UNC13C: variants seen among roughly 807,000 people sequenced by gnomAD.
UNC13C encodes the protein protein unc-13 homolog C.
In UNC13C, 174 loss-of-function variants were observed where a neutral mutation model predicts 245.4. The ratio of observed to expected loss-of-function variants is 0.71; its 90% confidence interval spans 0.63 to 0.80. UNC13C has a LOEUF of 0.80. Among genes scored for constraint, UNC13C ranks in the 30% least tolerant of loss-of-function variants. UNC13C has a pLI of 0.00. For synonymous variants in UNC13C, 992 were observed against 895.1 expected (o/e 1.11, Z -1.93); for missense variants, 2,829 against 2,602.9 (o/e 1.09, Z -1.89).
intron 19 of UNC13C, among the ~76,000 whole-genome samples, chr15:54,426,090 C>G (rs995444822): frequency 1.3e-5 from 2 of 151,720 alleles, no homozygotes; most frequent in African/African-American, 4.8e-5. Flanking sequence ...TTGAGCAGAA[C>G]TAGAAATCCA....
intron 30 of UNC13C, among the ~76,000 whole-genome samples, chr15:54,609,049 G>A (rs1043408697): frequency 6.6e-6 from 1 of 152,172 alleles, no homozygotes; most frequent in African/African-American, 2.4e-5. Flanking sequence ...GGTATTAAAT[G>A]AGTTCTCAGC....
chr15:54,621,853 A>G (rs541338368), intron 30 of UNC13C, among the ~76,000 whole-genome samples: 18 of 152,248 alleles, frequency 1.2e-4, no homozygotes, highest in Non-Finnish European at 2.4e-4. Context: ...TTATAAATAA[A>G]TTGTTGTAAT....
the UNC13C span, among the ~76,000 whole-genome samples, chr15:53,922,620 C>A: frequency 1.3e-5 from 2 of 152,114 alleles, no homozygotes; most frequent in African/African-American, 4.8e-5. Context: ...AATAACAACC[C>A]TCTTGTGTTT....
At chr15:54,362,702 T>C (rs1310517449) in intron 17 of UNC13C, among the ~76,000 whole-genome samples, 1 of 152,154 alleles carries the variant, frequency 6.6e-6, no homozygotes, top group African/African-American at 2.4e-5. Context: ...ACATTCTGCA[T>C]TTAAACAAGT....
chr15:54,612,972 G>C (rs1223435110), intron 30 of UNC13C, among the ~76,000 whole-genome samples: 4 of 151,714 alleles, frequency 2.6e-5, no homozygotes, highest in Non-Finnish European at 4.4e-5. Flanking sequence ...TCCTAATTTT[G>C]TGCTTGCCAT....
intron 19 of UNC13C, among the ~76,000 whole-genome samples, chr15:54,487,309 AAAGT>A (rs1488992519): frequency 1.3e-5 from 2 of 152,202 alleles, no homozygotes; most frequent in African/African-American, 4.8e-5. Context: ...CAGTGGTCAT[AAAGT>A]AAGGCACTAT....
chr15:54,521,170 T>C (rs192906171), intron 24 of UNC13C, among the ~76,000 whole-genome samples: 1 of 152,346 alleles, frequency 6.6e-6, no homozygotes, highest in Admixed American at 6.5e-5. Flanking sequence ...TATTTATTAA[T>C]GTTTTAATGC....
At chr15:53,941,408 GA>G in the UNC13C span, among the ~76,000 whole-genome samples, 1 of 152,092 alleles carries the variant, frequency 6.6e-6, no homozygotes, top group Non-Finnish European at 1.5e-5. Context: ...TGACAAAAAT[GA>G]CAAAAGCAAT....
chr15:54,566,655 C>T (rs1469683081), intron 29 of UNC13C, among the ~76,000 whole-genome samples: 5 of 151,996 alleles, frequency 3.3e-5, no homozygotes, highest in Admixed American at 3.3e-4. Flanking sequence ...TGAATCTCCT[C>T]TACAGTATAC....
intron 19 of UNC13C, among the ~76,000 whole-genome samples, chr15:54,453,932 C>T (rs1018788169): frequency 1.3e-5 from 2 of 151,848 alleles, no homozygotes; most frequent in Non-Finnish European, 1.5e-5. Context: ...TGTCAGTTTC[C>T]CCCTCCCTCA....
intron 29 of UNC13C, among the ~76,000 whole-genome samples, chr15:54,567,073 A>C (rs1274989603): frequency 6.6e-6 from 1 of 152,090 alleles, no homozygotes; most frequent in African/African-American, 2.4e-5. Context: ...TTTCCAAGAG[A>C]TGTCTGTCTG....
At chr15:53,937,358 A>G in the UNC13C span, among the ~76,000 whole-genome samples, 2 of 152,220 alleles carry the variant, frequency 1.3e-5, no homozygotes, top group Admixed American at 6.5e-5. Flanking sequence ...AGGAACAAAC[A>G]AAACCTCCAA....
intron 10 of UNC13C, among the ~76,000 whole-genome samples, chr15:54,275,656 A>G (rs2036812563): frequency 6.6e-6 from 1 of 152,044 alleles, no homozygotes; most frequent in Non-Finnish European, 1.5e-5. Context: ...TCTCCTCTAT[A>G]CCTTTATCCT....
the UNC13C span, among the ~76,000 whole-genome samples, chr15:53,935,533 A>G: frequency 6.6e-6 from 1 of 152,214 alleles, no homozygotes; most frequent in East Asian, 1.9e-4. Flanking sequence ...TTTGGCCAAG[A>G]TGGCCTATTT....
intron 2 of UNC13C, among the ~76,000 whole-genome samples, chr15:54,070,097 C>T (rs1313611756): frequency 6.6e-6 from 1 of 152,180 alleles, no homozygotes; most frequent in Non-Finnish European, 1.5e-5. Flanking sequence ...TCCGAAGCCC[C>T]TACTGGGGCG....
chr15:54,207,194 A>G (rs555450905), intron 4 of UNC13C, among the ~76,000 whole-genome samples: 1 of 152,112 alleles, frequency 6.6e-6, no homozygotes, highest in African/African-American at 2.4e-5. Flanking sequence ...AACAAAACTC[A>G]TGTTGAAATT....
Position 54,014,351 on chromosome 15 carries a change from G to A in UNC13C, c.1448G>A (p.Ser483Asn), listed in dbSNP as rs542254738. ...LLTKGSTSKP[S>N]SKSHSARSKN... ...ACAAAGGGAAGTACTTCCAAGCCAA[G>A]CTCAAAATCACACAGTGCTAGATCC... Residue 483 changes from serine to asparagine, a missense_variant, in exon 2 of 33, where the codon AGC becomes AAC. By Grantham distance (46) the Ser-to-Asn change is conservative (BLOSUM62 1). Transcript: ENST00000260323. 6.2e-7 allele frequency: 1 copy of A among 1,613,854 alleles called. No individual in the cohort carries two copies. The highest frequency in any genetic ancestry group is 2.2e-5 in the East Asian group (1 of 44,870).
chr15:54,164,501 T>C (rs1039667663), intron 4 of UNC13C, among the ~76,000 whole-genome samples: 3 of 151,972 alleles, frequency 2.0e-5, no homozygotes, highest in Admixed American at 6.6e-5. Flanking sequence ...AAAATCTAAA[T>C]AAATAAGTAA....
rs538491021 is a variant in UNC13C, at chr15:54,105,137, T to G, written c.2984-37881T>G. Among the ~76,000 whole-genome samples, 5 of 152,326 alleles carry G rather than the reference T, an allele frequency of 3.3e-5. No individual in the cohort carries two copies. The South Asian group carries it at 1.0e-3, about 32-fold the overall frequency. On this transcript the variant is annotated intron_variant, in intron 2 of 32. Coordinates refer to ENST00000260323, the MANE Select transcript of UNC13C (RefSeq NM_001080534.3). ...AATAGTTCTTATACAGGATTTTATT[T>G]AACTTTTTAATTTTTATCTCAGTCT... is the stretch of plus-strand genomic sequence containing the variant.
Sources: gnomAD v4.1 joint callset for allele counts (sites outside exome capture counted in the v4.1 genomes callset) on GRCh38, gnomAD v4.1.1 for gene constraint, MANE v1.5 for transcripts, NCBI Gene and HGNC (gene_info 2026-07-23, HGNC 2026-07-21) for gene names.